The following CRACDL variants were observed in gnomAD, a reference collection of about 807,000 sequenced individuals.
CRACDL encodes the protein CRACD like, also known as CRACD-like protein.
Under a neutral mutation model 70.6 loss-of-function variants are expected in CRACDL, and 26 were observed. The ratio of observed to expected loss-of-function variants is 0.37; its 90% CI spans 0.27 to 0.51. The LOEUF (loss-of-function observed/expected upper bound fraction) is 0.51. Ranked by LOEUF, CRACDL falls within the 20% of genes least tolerant of loss-of-function variation. The pLI is 0.94. For missense variants in CRACDL, 1,283 were observed against 1,376.9 expected (o/e 0.93, Z 1.08); for synonymous variants, 618 against 615.2 (o/e 1.00, Z -0.07).
intron 7 of CRACDL, among the ~76,000 whole-genome samples, chr2:98,809,015 G>A (rs1428496758): frequency 6.6e-6 from 1 of 152,196 alleles, no homozygotes; most frequent in East Asian, 1.9e-4. Flanking sequence ...CCCATCCCAG[G>A]TAGAAACTGT....
In CRACDL at chr2:98,857,243, A is replaced by T. The variant is rs552515137; in HGVS notation, c.-10-10433T>A. 4.6e-5 allele frequency among the ~76,000 whole-genome samples: 7 copies of T among 152,360 alleles called. No individual in the cohort carries two copies. In the East Asian group the frequency reaches 1.3e-3, roughly 29 times the overall value. On this transcript the variant is annotated intron_variant, in intron 1 of 9. Transcript: ENST00000397899. The stretch of plus-strand genomic sequence containing the variant: ...TCAGATGGTAACATGATCCACAGGA[A>T]AAAGAAAGAAAAACAAAAATGGTAA...
chr2:98,822,661 C>T lies in CRACDL; in HGVS notation c.1612G>A (p.Glu538Lys). The T allele has an allele frequency of 7.8e-7, 1 of 1,288,884 alleles. No homozygotes were observed. Among genetic ancestry groups the T allele is most frequent in the Non-Finnish European group, 9.8e-7 (1 of 1,022,514 alleles). The allele number at this position is 1,288,884 out of a possible 1,614,324, so 79.8% of individuals were successfully genotyped here. A position where few individuals can be genotyped will look rare whatever the true frequency, so the allele number is the denominator to read the frequency against. The change falls in exon 7 of 10, where the codon GAG becomes AAG. Residue 538 changes from glutamate (E) to lysine (K), a missense_variant. This residue lies in a region of CRACDL where 921 missense variants were observed against 881.9 expected (regional missense o/e 1.04). Coordinates refer to ENST00000397899, the MANE Select transcript of CRACDL (RefSeq NM_207362.3). The surrounding 1 kb of genome is among the most constrained non-coding windows in gnomAD (Gnocchi z 4.9). ...TCGGCTCGCTCGGCCTTGGGGCGCT[C>T]CGGGGCGGCGGCCTCTGCGTCGAGG... Reference protein sequence around the residue: ...GSLDAEAAAPERPKAERAEAP... With the variant: ...GSLDAEAAAPKRPKAERAEAP...
At chr2:98,914,489 G>A (rs190583471) in intron 1 of CRACDL, among the ~76,000 whole-genome samples, 31 of 152,338 alleles carry the variant, frequency 2.0e-4, no homozygotes, top group East Asian at 1.4e-3. Flanking sequence ...TCCTGTCCCC[G>A]CTGAGGTGGG....
At chr2:98,846,960 C>T (rs1204137362) in intron 1 of CRACDL, 150 bp from the exon 2 acceptor site, 1 of 623,256 alleles carries the variant, frequency 1.6e-6, no homozygotes, top group Admixed American at 2.5e-5. Context: ...CAGTACAGGC[C>T]AAAACCATAT....
chr2:98,926,664 A>G (rs1385417686), intron 1 of CRACDL, among the ~76,000 whole-genome samples: 1 of 152,230 alleles, frequency 6.6e-6, no homozygotes, highest in East Asian at 1.9e-4. Context: ...TTGGAACTCT[A>G]CAGACACCTG....
At chr2:98,919,032 T>G (rs767807364) in intron 1 of CRACDL, among the ~76,000 whole-genome samples, 1 of 152,228 alleles carries the variant, frequency 6.6e-6, no homozygotes, top group Non-Finnish European at 1.5e-5. Context: ...GAGTTTCCCC[T>G]AGGTTTTCTT....
intron 7 of CRACDL, among the ~76,000 whole-genome samples, chr2:98,821,188 A>C (rs1031505730): frequency 6.6e-6 from 1 of 151,932 alleles, no homozygotes; most frequent in Non-Finnish European, 1.5e-5. Flanking sequence ...TCCTTATTTT[A>C]TCTCTCTCTT....
chr2:98,836,820 C>T (rs556489494), intron 3 of CRACDL, among the ~76,000 whole-genome samples: 1 of 152,230 alleles, frequency 6.6e-6, no homozygotes, highest in East Asian at 1.9e-4. Context: ...CCGTGGATCA[C>T]GCCTGTAATC....
intron 1 of CRACDL, among the ~76,000 whole-genome samples, chr2:98,849,578 G>A (rs186932053): frequency 1.7e-4 from 26 of 152,086 alleles, no homozygotes; most frequent in African/African-American, 5.5e-4. Flanking sequence ...GGGCCGGGGA[G>A]GGGGGAGCAT....
intron 1 of CRACDL, among the ~76,000 whole-genome samples, chr2:98,859,648 A>T (rs952952036): frequency 6.6e-6 from 1 of 152,208 alleles, no homozygotes; most frequent in Non-Finnish European, 1.5e-5. Context: ...AGGAATTGAC[A>T]AACGCTTCCT....
intron 1 of CRACDL, among the ~76,000 whole-genome samples, chr2:98,888,409 G>C (rs1300339984): frequency 1.3e-5 from 2 of 152,150 alleles, no homozygotes; most frequent in African/African-American, 4.8e-5. Flanking sequence ...TAAGAGCAAA[G>C]TTTTTGTATA....
intron 1 of CRACDL, among the ~76,000 whole-genome samples, chr2:98,889,977 A>G (rs1352351191): frequency 6.6e-6 from 1 of 152,190 alleles, no homozygotes; most frequent in Non-Finnish European, 1.5e-5. Context: ...CAAAACCACC[A>G]CATACCAATA....
At chr2:98,933,113 A>G (rs1284937782) in intron 1 of CRACDL, among the ~76,000 whole-genome samples, 1 of 152,158 alleles carries the variant, frequency 6.6e-6, no homozygotes, top group Admixed American at 6.5e-5. Flanking sequence ...GAGACCTCAG[A>G]GCATGGGGAC....
intron 1 of CRACDL, among the ~76,000 whole-genome samples, chr2:98,889,340 A>AAGGAAGG (rs1707901786): frequency 7.8e-6 from 1 of 128,088 alleles, no homozygotes; most frequent in African/African-American, 2.9e-5. Flanking sequence ...AGAAAGAAAG[A>AAGGAAGG]AAGGAAACAG....
intron 1 of CRACDL, among the ~76,000 whole-genome samples, chr2:98,924,212 A>C (rs907939814): frequency 6.6e-6 from 1 of 152,194 alleles, no homozygotes; most frequent in Non-Finnish European, 1.5e-5. Context: ...CCACGTGACC[A>C]CTGACCAAGT....
intron 1 of CRACDL, among the ~76,000 whole-genome samples, chr2:98,851,811 C>A (rs756474148): frequency 6.6e-6 from 1 of 152,148 alleles, no homozygotes; most frequent in Non-Finnish European, 1.5e-5. Flanking sequence ...TAAAACTTTC[C>A]ACTGATGATA....
At chr2:98,808,483 CCCTTTCTGGGGACAA>C (rs1022947970) in intron 7 of CRACDL, among the ~76,000 whole-genome samples, 6 of 152,076 alleles carry the variant, frequency 3.9e-5, no homozygotes, top group African/African-American at 1.4e-4. Context: ...GTATGTTGTC[CCCTTTCTGGGGACAA>C]CAGTGCCCAG....
intron 7 of CRACDL, among the ~76,000 whole-genome samples, chr2:98,806,031 T>C (rs1004537126): frequency 6.6e-6 from 1 of 152,192 alleles, no homozygotes; most frequent in African/African-American, 2.4e-5. Context: ...GTGAAAAGGC[T>C]GAGGGAGACA....
chr2:98,923,180 A>G (rs764504460), intron 1 of CRACDL, among the ~76,000 whole-genome samples: 28 of 151,808 alleles, frequency 1.8e-4, no homozygotes, highest in Non-Finnish European at 2.8e-4. Context: ...CTGAGGCAGG[A>G]GAATCACTTG....
Sources: gnomAD v4.1 joint callset for allele counts (sites outside exome capture counted in the v4.1 genomes callset) on GRCh38, gnomAD v4.1.1 for gene constraint, gnomAD v4.1.1 regional missense constraint, Gnocchi (gnomAD v3.1) non-coding constraint, MANE v1.5 for transcripts, NCBI Gene and HGNC (gene_info 2026-07-23, HGNC 2026-07-21) for gene names.